Variants in ZNF808 observed in about 807,000 individuals in gnomAD.
The protein encoded by ZNF808 is zinc finger protein 808.
Under a neutral mutation model 8.7 loss-of-function variants are expected in ZNF808, and 5 were observed. The ratio of observed to expected loss-of-function variants is 0.58; its 90% CI spans 0.30 to 1.21. ZNF808 has a LOEUF of 1.21. Among genes scored for constraint, ZNF808 ranks in the 50% most tolerant of loss-of-function variants. The pLI, the probability that ZNF808 is intolerant of heterozygous loss-of-function variation, is 0.07. For missense variants in ZNF808, 1,103 were observed against 1,098.4 expected, an observed-to-expected ratio of 1.00 and a Z score of -0.06; for synonymous variants, 380 against 366.0, an observed-to-expected ratio of 1.04 and a Z score of -0.44.
In ZNF808 at chr19:52,547,573, A is replaced by G. The variant is rs746205296; in HGVS notation, c.125A>G (p.Asn42Ser). The change falls in exon 4 of 5, where the codon AAC (asparagine) becomes AGC (serine). Residue 42 changes from asparagine (N) to serine (S), a missense_variant. Transcript: ENST00000359798. ...EFSLAEWKFL[N>S]PAQRALYREV... Reference sequence around the variant, plus strand: ...TCATTGGCAGAGTGGAAATTCCTGAACCCTGCACAGAGGGCTTTGTACAGG... The same window carrying G: ...TCATTGGCAGAGTGGAAATTCCTGAGCCCTGCACAGAGGGCTTTGTACAGG... The G allele has an allele frequency of 1.2e-6, 2 of 1,614,002 alleles. No individual in the cohort carries two copies. Among genetic ancestry groups the G allele is most frequent in the Non-Finnish European group, 1.7e-6 (2 of 1,179,984 alleles).
At chr19:52,561,219 TATATATATATATATATA>T, downstream of ZNF808, among the ~76,000 whole-genome samples, 1 of 57,968 alleles carries the variant, frequency 1.7e-5, no homozygotes, top group East Asian at 3.9e-4. Flanking sequence ...TCTCTATATA[TATATATATATATATATA>T]TATACACTTT....
At chr19:52,564,365 C>T (rs1229124872) in exon 4 of ZNF808, 4 of 488,138 alleles carry the variant, frequency 8.2e-6, no homozygotes, top group African/African-American at 6.1e-5. Context: ...CTCTCTGAAT[C>T]TGTTATGAAC....
chr19:52,544,310 AC>A, intron 3 of ZNF808, among the ~76,000 whole-genome samples: 1 of 152,268 alleles, frequency 6.6e-6, no homozygotes, highest in South Asian at 2.1e-4. Context: ...GGCATGGGTC[AC>A]CATATGTATG....
intron 2 of ZNF808, among the ~76,000 whole-genome samples, chr19:52,536,347 C>A (rs2615587): frequency 0.19 from 28,275 of 152,022 alleles, 3,236 homozygotes; most frequent in East Asian, 0.52. Context: ...AAGTCCCCGA[C>A]CCGCGAGGTG....
downstream of ZNF808, among the ~76,000 whole-genome samples, chr19:52,566,975 G>T (rs1213424981): frequency 2.2e-5 from 3 of 134,034 alleles, no homozygotes; most frequent in Non-Finnish European, 4.9e-5. Flanking sequence ...TTTTTTGATG[G>T]AGCTTCACTT....
intron 1 of ZNF808, among the ~76,000 whole-genome samples, chr19:52,531,016 G>A (rs2059557037): frequency 6.6e-6 from 1 of 152,080 alleles, no homozygotes; most frequent in Admixed American, 6.6e-5. Flanking sequence ...AAGGGTGGTG[G>A]CATGCGTCTG....
chr19:52,548,510 C>T (rs575990807), intron 4 of ZNF808, among the ~76,000 whole-genome samples: 1 of 152,238 alleles, frequency 6.6e-6, no homozygotes, highest in African/African-American at 2.4e-5. Context: ...ACAACCTCCA[C>T]CTTTTGGGTT....
At chr19:52,531,809 A>G (rs1004773680) in intron 1 of ZNF808, among the ~76,000 whole-genome samples, 4 of 152,164 alleles carry the variant, frequency 2.6e-5, no homozygotes, top group Non-Finnish European at 4.4e-5. Context: ...AAATTGCTGT[A>G]TTGCCTGGTG....
chr19:52,558,256 A>T (rs964916407), downstream of ZNF808, among the ~76,000 whole-genome samples: 3 of 149,366 alleles, frequency 2.0e-5, no homozygotes, highest in East Asian at 5.9e-4. Context: ...TTGTATTTTT[A>T]GTAGAGGCGG....
At chr19:52,550,938 T>A (rs1259049425) in intron 4 of ZNF808, among the ~76,000 whole-genome samples, 2 of 152,188 alleles carry the variant, frequency 1.3e-5, no homozygotes, top group African/African-American at 4.8e-5. Flanking sequence ...TAGCTTAGAC[T>A]GGCCAGCTTC....
intron 3 of ZNF808, among the ~76,000 whole-genome samples, chr19:52,543,663 G>T (rs2059694076): frequency 6.6e-6 from 1 of 152,180 alleles, no homozygotes; most frequent in Admixed American, 6.5e-5. Context: ...GGGCAGCCTG[G>T]ATTGTTCAGG....
At position 52,552,616 on chromosome 19, in the gene ZNF808, T is replaced by G. The variant is rs1417433260; in HGVS notation, c.191-491T>G. Among the ~76,000 whole-genome samples the G allele has an allele frequency of 1.3e-5, 2 of 151,982 alleles. 1 individual carries two copies. The highest frequency in any genetic ancestry group is 1.3e-4 in the Admixed American group (2 of 15,264). The stretch of plus-strand genomic sequence containing the variant: ...TTTTCTTATCTTCTCAGTGCTATAA[T>G]TGTTTGATAATACAGAATTTCCAGT... On this transcript the variant is annotated intron_variant, in intron 4 of 4. Coordinates refer to ENST00000359798, the MANE Select transcript of ZNF808 (RefSeq NM_001039886.4).
chr19:52,535,568 A>T lies in ZNF808; in HGVS notation c.-20+2559A>T, dbSNP rs575258627. Among the ~76,000 whole-genome samples, 83 of 151,820 alleles carry T rather than the reference A, an allele frequency of 5.5e-4. 1 individual carries two copies. In the South Asian group the frequency reaches 9.1e-3, roughly 17 times the overall value. Reference sequence around the variant, plus strand: ...GACCTCACTCCTCCCTGGCCTGAGCACTCCGTCCCGCATCCCAGGCGGAGG... The same window carrying T: ...GACCTCACTCCTCCCTGGCCTGAGCTCTCCGTCCCGCATCCCAGGCGGAGG... On this transcript the variant is annotated intron_variant, in intron 2 of 4. Coordinates refer to ENST00000359798, the MANE Select transcript of ZNF808 (RefSeq NM_001039886.4).
chr19:52,565,933 C>T (rs971111486), downstream of ZNF808, among the ~76,000 whole-genome samples: 6 of 152,128 alleles, frequency 3.9e-5, no homozygotes, highest in Admixed American at 3.9e-4. Context: ...TGCATTTTAA[C>T]CTTGGCAAAA....
At chr19:52,532,693 A>G (rs2059571870) in intron 1 of ZNF808, among the ~76,000 whole-genome samples, 1 of 151,882 alleles carries the variant, frequency 6.6e-6, no homozygotes, top group African/African-American at 2.4e-5. Flanking sequence ...GTTTTGTCAT[A>G]TTGGAAATAG....
chr19:52,566,823 A>C (rs973826188), downstream of ZNF808, among the ~76,000 whole-genome samples: 2 of 152,216 alleles, frequency 1.3e-5, no homozygotes, highest in African/African-American at 4.8e-5. Context: ...AAAGCAGCTT[A>C]ATCATACCTG....
In ZNF808 at chr19:52,554,887, G is replaced by A. The variant is rs116676194; in HGVS notation, c.1971G>A (p.Gly657=). The change falls in exon 5 of 5, where the codon GGG becomes GGA. Residue 657 remains glycine (G), a synonymous_variant. Coordinates refer to ENST00000359798, the MANE Select transcript of ZNF808 (RefSeq NM_001039886.4). ...AAACTTACAAGTGTAATGAGTGTGGGAAGACCTTCAGTTACAAGTCATCAC... is the reference window on the plus strand; with the variant it reads ...AAACTTACAAGTGTAATGAGTGTGGAAAGACCTTCAGTTACAAGTCATCAC... ...GEKTYKCNEC[G]KTFSYKSSLV... is the part of the protein sequence containing the mutation. The A allele has an allele frequency of 1.3e-4, 205 of 1,614,138 alleles. No homozygotes were observed. In the African/African-American group the frequency reaches 2.6e-3, roughly 20 times the overall value.
At chr19:52,532,343 T>C (rs2059568428) in intron 1 of ZNF808, among the ~76,000 whole-genome samples, 1 of 152,180 alleles carries the variant, frequency 6.6e-6, no homozygotes, top group East Asian at 1.9e-4. Context: ...CTTGTGCCTC[T>C]GCCTCCTGAG....
chr19:52,545,812 A>G (rs2059714868), intron 3 of ZNF808, among the ~76,000 whole-genome samples: 1 of 151,744 alleles, frequency 6.6e-6, no homozygotes, highest in South Asian at 2.1e-4. Flanking sequence ...ATTGGGAAGG[A>G]TTATATGTAT....
Sources: allele counts gnomAD v4.1 joint callset (sites outside exome capture counted in the v4.1 genomes callset), GRCh38; gene constraint gnomAD v4.1.1; transcripts MANE v1.5; gene names NCBI Gene and HGNC (gene_info 2026-07-23, HGNC 2026-07-21).